BTNL8: variants seen among roughly 807,000 people sequenced by gnomAD.
BTNL8 encodes the protein butyrophilin like 8.
In BTNL8, 22 loss-of-function variants were observed where a neutral mutation model predicts 36.1. The ratio of observed to expected loss-of-function variants is 0.61; its 90% CI spans 0.44 to 0.87. The LOEUF is 0.87. Among genes scored for constraint, BTNL8 ranks in the 40% least tolerant of loss-of-function variants. The pLI, the probability that BTNL8 is intolerant of heterozygous loss-of-function variation, is 0.00. For missense variants in BTNL8, 526 were observed against 616.9 expected, an observed-to-expected ratio of 0.85 and a Z score of 1.56; for synonymous variants, 203 against 235.6, an observed-to-expected ratio of 0.86 and a Z score of 1.27.
rs768977071 is a variant in BTNL8 at position 180,947,685 on chromosome 5, T to A, written c.787+60T>A. ...ATTCATGGTTCCAGCAGGGACAGGA[T>A]CAGAGATGCTCCCACATCCAGCTGC... On this transcript the variant is annotated intron_variant, in intron 4 of 7. Coordinates refer to ENST00000340184, the MANE Select transcript of BTNL8 (RefSeq NM_001040462.3). 3.1e-6 allele frequency: 5 copies of A among 1,614,016 alleles called. No homozygotes were observed. In the African/African-American group the frequency reaches 5.3e-5, roughly 17 times the overall value.
chr5:180,948,048 T>C lies in BTNL8; in HGVS notation c.788-307T>C, dbSNP rs1213943070. 3 of 638,822 alleles carry C rather than the reference T, an allele frequency of 4.7e-6. No individual in the cohort carries two copies. The East Asian group carries it at 8.7e-5, about 18-fold the overall frequency. 39.6% of individuals were successfully genotyped at this position (638,822 alleles called of 1,614,324 possible). A position where few individuals can be genotyped will look rare whatever the true frequency, so the allele number is the denominator to read the frequency against. Reference sequence around the variant, plus strand: ...AAACCAATTTCCTCCTCCTTGGGAGTGACACTTCCCCTTGGGGGTGAGGCC... The same window carrying C: ...AAACCAATTTCCTCCTCCTTGGGAGCGACACTTCCCCTTGGGGGTGAGGCC... On this transcript the variant is annotated intron_variant, in intron 4 of 7. Coordinates refer to ENST00000340184, the MANE Select transcript of BTNL8 (RefSeq NM_001040462.3).
chr5:180,922,871 CT>C (rs759844124), intron 3 of BTNL8, among the ~76,000 whole-genome samples: 4 of 151,982 alleles, frequency 2.6e-5, no homozygotes, highest in Non-Finnish European at 5.9e-5. Flanking sequence ...AATCTGGGTG[CT>C]TTTGTGTTGG....
At chr5:180,933,944 A>G (rs1338540789) in intron 3 of BTNL8, among the ~76,000 whole-genome samples, 1 of 151,836 alleles carries the variant, frequency 6.6e-6, no homozygotes, top group Non-Finnish European at 1.5e-5. Flanking sequence ...TACAAGGTCA[A>G]CATTACCCTG....
In BTNL8 at chr5:180,948,084, C is replaced by A. The variant is rs1279812267; in HGVS notation, c.788-271C>A. 58 of 639,238 alleles carry A rather than the reference C, an allele frequency of 9.1e-5. No individual in the cohort carries two copies. The Admixed American group carries it at 1.8e-3, about 20-fold the overall frequency. The allele number at this position is 639,238 out of a possible 1,614,324, so 39.6% of individuals were successfully genotyped here. A position where few individuals can be genotyped will look rare whatever the true frequency, so the allele number is the denominator to read the frequency against. ...CTTGGGGGTGAGGCCACCCCCGCCT[C>A]CCCTCCCAGCTGCCTTCTCCCATCT... On this transcript the variant is annotated intron_variant, in intron 4 of 7. Transcript: ENST00000340184.
At position 180,950,146 on chromosome 5, in the gene BTNL8, G is replaced by T. The variant is rs775692069; in HGVS notation, c.1105G>T (p.Val369Leu). Residue 369 changes from valine to leucine, a missense_variant, in exon 8 of 8, where the codon GTG (valine) becomes TTG (leucine). Val to Leu is a conservative substitution (Grantham distance 32). Transcript: ENST00000340184. ...TGATGTGGACAGGAGGAAGGAGTAC[G>T]TGACTTTGTCTCCCGATCATGGGTA... is the stretch of plus-strand genomic sequence containing the variant. The part of the protein sequence containing the change: ...RDDVDRRKEY[V>L]TLSPDHGYWV... The T allele has an allele frequency of 2.1e-6, 3 of 1,462,868 alleles. No individual in the cohort carries two copies. The African/African-American group carries it at 4.1e-5, about 20-fold the overall frequency. The allele number at this position is 1,462,868 out of a possible 1,614,324, so 90.6% of individuals were successfully genotyped here. A position where few individuals can be genotyped will look rare whatever the true frequency, so the allele number is the denominator to read the frequency against.
chr5:180,907,850 C>T (rs1757166542), intron 1 of BTNL8, among the ~76,000 whole-genome samples: 1 of 150,980 alleles, frequency 6.6e-6, no homozygotes, highest in South Asian at 2.1e-4. Context: ...GGGTCAGGGA[C>T]TCACTTGAGG....
At chr5:180,925,864 C>G (rs1758070428) in intron 3 of BTNL8, among the ~76,000 whole-genome samples, 1 of 152,010 alleles carries the variant, frequency 6.6e-6, no homozygotes, top group Admixed American at 6.6e-5. Context: ...ATACAAATTA[C>G]AAAACATGTA....
intron 3 of BTNL8, among the ~76,000 whole-genome samples, chr5:180,912,007 C>A (rs1456391649): frequency 6.6e-6 from 1 of 152,084 alleles, no homozygotes; most frequent in African/African-American, 2.4e-5. Context: ...CTCCATAATG[C>A]GGGTGGGCTT....
At chr5:180,921,932 A>G (rs1757884755) in intron 3 of BTNL8, among the ~76,000 whole-genome samples, 1 of 151,998 alleles carries the variant, frequency 6.6e-6, no homozygotes, top group African/African-American at 2.4e-5. Context: ...ATAAATTAAC[A>G]CCTTTAAATA....
rs1756726124 is a variant in BTNL8, at chr5:180,899,354, G to A, written c.44G>A (p.Gly15Glu). ...TTGGTTCTGAGTCTCCTCAAGCTGG[G>A]ATCAGGTAAGACTCATCTTTGTTTC... is the stretch of plus-strand genomic sequence containing the variant. Reference protein sequence around the residue: ...LSLVLSLLKLGSGQWQVFGPD... With the variant: ...LSLVLSLLKLESGQWQVFGPD... The change falls in exon 1 of 8, where the codon GGA becomes GAA. Residue 15 changes from glycine (G) to glutamate (E), a missense_variant. This residue lies in a region of BTNL8 where 350 missense variants were observed against 324.6 expected (regional missense o/e 1.08). Coordinates refer to ENST00000340184, the MANE Select transcript of BTNL8 (RefSeq NM_001040462.3). 3 of 1,613,686 alleles carry A rather than the reference G, an allele frequency of 1.9e-6. No individual in the cohort carries two copies. The highest frequency in any genetic ancestry group is 1.3e-5 in the African/African-American group (1 of 74,930).
chr5:180,941,113 GAA>G (rs1175538957), intron 3 of BTNL8, among the ~76,000 whole-genome samples: 254 of 80,240 alleles, frequency 3.2e-3, no homozygotes, highest in African/African-American at 9.3e-3. Flanking sequence ...AGGAAGGGAG[GAA>G]GGAAGGAAGG....
At chr5:180,937,366 A>G (rs191356335) in intron 3 of BTNL8, among the ~76,000 whole-genome samples, 47 of 152,356 alleles carry the variant, frequency 3.1e-4, no homozygotes, top group African/African-American at 1.0e-3. Context: ...CACAGCCTAC[A>G]ACATTGACAC....
intron 4 of BTNL8, 75 bp downstream of exon 4, chr5:180,947,700 C>T (rs373935289): frequency 2.7e-5 from 44 of 1,614,118 alleles, no homozygotes; most frequent in Middle Eastern, 3.3e-4. Context: ...GATGCTCCCA[C>T]ATCCAGCTGC....
At chr5:180,910,887 C>G (rs1427984725) in intron 2 of BTNL8, among the ~76,000 whole-genome samples, 2 of 152,246 alleles carry the variant, frequency 1.3e-5, no homozygotes, top group Non-Finnish European at 2.9e-5. Flanking sequence ...GATGATCCAT[C>G]TGCCCCTCAA....
intron 2 of BTNL8, 75 bp from the exon 3 acceptor site, chr5:180,911,264 A>AAT: frequency 6.4e-7 from 1 of 1,572,346 alleles, no homozygotes; most frequent in Non-Finnish European, 8.6e-7. Flanking sequence ...GGGTGGACTG[A>AAT]ATGCACCTGA....
At chr5:180,933,868 G>C (rs1340246181) in intron 3 of BTNL8, among the ~76,000 whole-genome samples, 2 of 151,948 alleles carry the variant, frequency 1.3e-5, no homozygotes, top group African/African-American at 4.8e-5. Context: ...AACATTTAAA[G>C]AAAAACTGCC....
intron 2 of BTNL8, among the ~76,000 whole-genome samples, chr5:180,910,954 G>C (rs144001897): frequency 2.0e-5 from 3 of 152,238 alleles, no homozygotes; most frequent in South Asian, 2.1e-4. Context: ...ATCTTCCTTG[G>C]TTTAGCTCTT....
chr5:180,949,685 G>T lies in BTNL8; in HGVS notation c.863-219G>T, dbSNP rs1443429471. ...GTGGCAGGGTTGGGTGATATGCCGA[G>T]ATTGGGACGTCATATTGAGACATAT... On this transcript the variant is annotated intron_variant, in intron 7 of 7. Coordinates refer to ENST00000340184, the MANE Select transcript of BTNL8 (RefSeq NM_001040462.3). The T allele has an allele frequency of 3.3e-6, 2 of 612,138 alleles. 1 individual carries two copies. The highest frequency in any genetic ancestry group is 3.7e-5 in the African/African-American group (2 of 53,718). The allele number at this position is 612,138 out of a possible 1,614,324, so 37.9% of individuals were successfully genotyped here. A position where few individuals can be genotyped will look rare whatever the true frequency, so the allele number is the denominator to read the frequency against.
At chr5:180,942,198 TA>T (rs1455358162) in intron 3 of BTNL8, among the ~76,000 whole-genome samples, 2 of 152,046 alleles carry the variant, frequency 1.3e-5, no homozygotes, top group Non-Finnish European at 2.9e-5. Flanking sequence ...TTACAATAGC[TA>T]CAACAAAATA....
Sources: gnomAD v4.1 joint callset for allele counts (sites outside exome capture counted in the v4.1 genomes callset) on GRCh38, gnomAD v4.1.1 for gene constraint, gnomAD v4.1.1 regional missense constraint, MANE v1.5 for transcripts, NCBI Gene and HGNC (gene_info 2026-07-23, HGNC 2026-07-21) for gene names.